The following DNAH7 variants were observed in gnomAD, a reference collection of about 807,000 sequenced individuals.
The protein encoded by DNAH7 is dynein axonemal heavy chain 7.
Under a neutral mutation model 444.6 loss-of-function variants are expected in DNAH7, and 397 were observed. The observed-to-expected ratio is 0.89, with a 90% confidence interval of 0.82 to 0.97. The LOEUF (loss-of-function observed/expected upper bound fraction) is 0.97. Among genes scored for constraint, DNAH7 ranks in the 50% least tolerant of loss-of-function variants. The pLI is 0.00. For missense variants in DNAH7, 4,902 were observed against 4,800.8 expected (o/e 1.02, Z -0.62); for synonymous variants, 1,636 against 1,624.4 (o/e 1.01, Z -0.17).
At chr2:195,896,185 G>C (rs1479707607) in intron 29 of DNAH7, among the ~76,000 whole-genome samples, 1 of 152,168 alleles carries the variant, frequency 6.6e-6, no homozygotes, top group Non-Finnish European at 1.5e-5. Flanking sequence ...ATGTATAAAA[G>C]TTCCAATATT....
rs113690758 is a variant in DNAH7 at position 195,967,406 on chromosome 2, C to A, written c.2205+2542G>T. The stretch of plus-strand genomic sequence containing the variant: ...GAGTAGTTTACATACCACAATTAAA[C>A]AGTATTATAATAGTCTATTTTTATG... On this transcript the variant is annotated intron_variant, in intron 17 of 64. Transcript: ENST00000312428. Among the ~76,000 whole-genome samples the A allele has an allele frequency of 1.3e-3, 192 of 152,218 alleles. 1 individual carries two copies. The highest frequency in any genetic ancestry group is 3.9e-3 in the South Asian group (19 of 4,818).
At chr2:195,866,625 A>C (rs1390523966) in intron 40 of DNAH7, among the ~76,000 whole-genome samples, 1 of 152,254 alleles carries the variant, frequency 6.6e-6, no homozygotes, top group Non-Finnish European at 1.5e-5. Context: ...AAGACAGTCA[A>C]CACATCTGCA....
chr2:195,761,724 A>G (rs1386508139), intron 61 of DNAH7, among the ~76,000 whole-genome samples: 1 of 152,220 alleles, frequency 6.6e-6, no homozygotes, highest in Non-Finnish European at 1.5e-5. Context: ...CTAGAATAGT[A>G]TATCTGGTGA....
At chr2:195,922,392 C>T (rs1688078086) in intron 23 of DNAH7, among the ~76,000 whole-genome samples, 195 bp from the exon 24 acceptor site, 5 of 152,006 alleles carry the variant, frequency 3.3e-5, no homozygotes, top group Admixed American at 3.3e-4. Flanking sequence ...TAATTTTTCC[C>T]ATAAAATATT....
At chr2:195,944,359 C>G (rs984664434) in intron 19 of DNAH7, among the ~76,000 whole-genome samples, 1 of 152,140 alleles carries the variant, frequency 6.6e-6, no homozygotes, top group Non-Finnish European at 1.5e-5. Context: ...AACAAGTAAA[C>G]AGAACCACTC....
chr2:195,970,210 A>G, intron 16 of DNAH7, 116 bp from the exon 17 acceptor site: 1 of 946,244 alleles, frequency 1.1e-6, no homozygotes. Context: ...CTGGTAAAAC[A>G]TAAAAGGATG....
chr2:195,886,868 C>G (rs1193513860), intron 33 of DNAH7, among the ~76,000 whole-genome samples: 2 of 152,148 alleles, frequency 1.3e-5, no homozygotes, highest in Admixed American at 1.3e-4. Flanking sequence ...CCCCACGCAG[C>G]TCTCTTCCAA....
rs769773254 is a variant in DNAH7, at chr2:195,864,944, C to A, written c.6711G>T (p.Leu2237Phe). 1.2e-6 allele frequency: 2 copies of A among 1,610,466 alleles called. No homozygotes were observed. The highest frequency in any genetic ancestry group is 1.1e-5 in the South Asian group (1 of 91,066). The change falls in exon 41 of 65, where the codon TTG becomes TTT. Residue 2237 changes from leucine to phenylalanine, a missense_variant. By Grantham distance (22) the Leu-to-Phe change is conservative (BLOSUM62 0). Coordinates refer to ENST00000312428, the MANE Select transcript of DNAH7 (RefSeq NM_018897.3). ...SWLINYIQEILRNYMYEDFHE... is the reference protein window; with the variant it reads ...SWLINYIQEIFRNYMYEDFHE... ...GAAAATCTTCATACATGTAGTTTCTCAAAATTTCTTGAATGTAGTTGATGA... is the reference window on the plus strand; with the variant it reads ...GAAAATCTTCATACATGTAGTTTCTAAAAATTTCTTGAATGTAGTTGATGA...
intron 45 of DNAH7, among the ~76,000 whole-genome samples, chr2:195,854,886 CATA>C (rs1699602128): frequency 2.0e-5 from 3 of 152,036 alleles, no homozygotes; most frequent in Admixed American, 6.6e-5. Flanking sequence ...AAAATCATGC[CATA>C]ATATGTTACA....
chr2:195,931,724 G>T (rs1688708649), intron 21 of DNAH7, among the ~76,000 whole-genome samples: 2 of 152,190 alleles, frequency 1.3e-5, no homozygotes, highest in African/African-American at 2.4e-5. Flanking sequence ...TCAAAGATCA[G>T]ATAGTTGTAA....
At chr2:195,822,756 G>A (rs1216411632) in intron 49 of DNAH7, among the ~76,000 whole-genome samples, 2 of 152,108 alleles carry the variant, frequency 1.3e-5, no homozygotes, top group African/African-American at 2.4e-5. Context: ...TGTTATGTGC[G>A]ATAGTTCCAC....
intron 61 of DNAH7, among the ~76,000 whole-genome samples, chr2:195,759,325 G>C (rs1694236234): frequency 6.6e-6 from 1 of 152,082 alleles, no homozygotes; most frequent in African/African-American, 2.4e-5. Flanking sequence ...GAAGGGAAGT[G>C]CCCACTCCTG....
chr2:195,964,551 A>T (rs1196880245), intron 17 of DNAH7, among the ~76,000 whole-genome samples: 148 of 76,924 alleles, frequency 1.9e-3, no homozygotes, highest in Admixed American at 3.8e-3. Context: ...TTTTTGGAGG[A>T]GTCTTTACAT....
In DNAH7 at chr2:196,064,605, T is replaced by G. The variant is rs537719855; in HGVS notation, c.15+4092A>C. ...TTGTGTTTATCATTCCTATGCAAAT[T>G]TTTACTACACTTATTACTACATATG... On this transcript the variant is annotated intron_variant, in intron 1 of 64. Transcript: ENST00000312428. 7.9e-5 allele frequency among the ~76,000 whole-genome samples: 12 copies of G among 152,268 alleles called. No homozygotes were observed. In the East Asian group the frequency reaches 2.3e-3, roughly 29 times the overall value.
At chr2:195,803,802 G>A (rs114418671) in intron 54 of DNAH7, among the ~76,000 whole-genome samples, 2,504 of 152,318 alleles carry the variant, frequency 0.016, 35 homozygotes, top group Non-Finnish European at 0.029. Flanking sequence ...TTGAAGGACA[G>A]AACTGTGGCC....
At chr2:195,969,827 C>A in intron 17 of DNAH7, 121 bp downstream of exon 17, 2 of 958,772 alleles carry the variant, frequency 2.1e-6, no homozygotes, top group Non-Finnish European at 3.0e-6. Flanking sequence ...ATTCTATTAT[C>A]CTCTAATTAA....
chr2:196,000,887 C>CA lies in DNAH7; in HGVS notation c.1174-5dup, dbSNP rs746221861. On this transcript the variant is annotated splice_region_variant and splice_polypyrimidine_tract_variant and intron_variant, in intron 11 of 64. Transcript: ENST00000312428. Reference sequence around the variant, plus strand: ...GTTCAAAAGCTCTAACAGAATCCTGCAAAAAATTAAAAAATTTACATACAT... The same window carrying CA: ...GTTCAAAAGCTCTAACAGAATCCTGCAAAAAAATTAAAAAATTTACATACAT... 5.8e-6 allele frequency: 9 copies of CA among 1,551,036 alleles called. No individual in the cohort carries two copies. The highest frequency in any genetic ancestry group is 2.3e-5 in the East Asian group (1 of 43,820).
intron 19 of DNAH7, among the ~76,000 whole-genome samples, chr2:195,953,218 T>G (rs919770827): frequency 1.3e-5 from 2 of 152,144 alleles, no homozygotes; most frequent in Admixed American, 1.3e-4. Context: ...TGGAGTGTGC[T>G]GGAGGTCCAC....
Position 195,923,824 on chromosome 2 carries a change from T to A in DNAH7, c.3613-17A>T. ...CTCAAGAGCCTGAAAGAAAAGAAAA[T>A]AAGATATGATTTCCCAATGTGATCA... On this transcript the variant is annotated splice_polypyrimidine_tract_variant and intron_variant, in intron 22 of 64. Coordinates refer to ENST00000312428, the MANE Select transcript of DNAH7 (RefSeq NM_018897.3). 2 of 1,607,060 alleles carry A rather than the reference T, an allele frequency of 1.2e-6. No homozygotes were observed. The highest frequency in any genetic ancestry group is 1.7e-6 in the Non-Finnish European group (2 of 1,174,088).
Sources: allele counts gnomAD v4.1 joint callset (sites outside exome capture counted in the v4.1 genomes callset), GRCh38; gene constraint gnomAD v4.1.1; transcripts MANE v1.5; gene names NCBI Gene and HGNC (gene_info 2026-07-23, HGNC 2026-07-21).